HMCN1: variants seen among roughly 807,000 people sequenced by gnomAD.
The protein encoded by HMCN1 is hemicentin-1.
A neutral mutation model predicts 625.9 loss-of-function variants in HMCN1; 321 were observed. The ratio of observed to expected loss-of-function variants is 0.51; its 90% CI spans 0.47 to 0.56. The LOEUF (loss-of-function observed/expected upper bound fraction) is 0.56. Among genes scored for constraint, HMCN1 ranks in the 20% least tolerant of loss-of-function variants. The pLI is 0.00. For missense variants in HMCN1, 6,588 were observed against 6,887.3 expected (o/e 0.96, Z 1.54); for synonymous variants, 2,425 against 2,417.6 (o/e 1.00, Z -0.09).
chr1:186,119,447 G>A (rs1200872343), intron 78 of HMCN1, 149 bp downstream of exon 78: 1 of 729,508 alleles, frequency 1.4e-6, no homozygotes, highest in African/African-American at 1.8e-5. Flanking sequence ...ACTTTTAATA[G>A]GCTAAAAAAG....
intron 1 of HMCN1, among the ~76,000 whole-genome samples, chr1:185,766,958 G>A (rs912466086): frequency 3.3e-5 from 5 of 150,616 alleles, no homozygotes; most frequent in African/African-American, 1.2e-4. Context: ...TAAGGGAATA[G>A]GAAACTAAAA....
At chr1:186,171,187 A>G in intron 100 of HMCN1, 150 bp from the exon 101 acceptor site, 1 of 628,866 alleles carries the variant, frequency 1.6e-6, no homozygotes, top group Non-Finnish European at 2.9e-6. Flanking sequence ...TCTATCAAGT[A>G]TTTGGCAGAT....
At position 185,990,411 on chromosome 1, in the gene HMCN1, A is replaced by C. The variant is rs777526561; in HGVS notation, c.3345A>C (p.Lys1115Asn). The C allele has an allele frequency of 1.9e-6, 3 of 1,614,038 alleles. No homozygotes were observed. Among genetic ancestry groups the C allele is most frequent in the Admixed American group, 1.7e-5 (1 of 60,004 alleles). The change falls in exon 22 of 107, where the codon AAA (lysine) becomes AAC (asparagine). Residue 1115 changes from lysine to asparagine, a missense_variant. Coordinates refer to ENST00000271588, the MANE Select transcript of HMCN1 (RefSeq NM_031935.3). ...CTCCACCCATAATTACTTGGGCCAA[A>C]GAAACCCAGCTCATCTCACCGTTCT... ...SLPPPIITWA[K>N]ETQLISPFSP...
At chr1:186,000,293 A>T in intron 26 of HMCN1, 54 bp downstream of exon 26, 1 of 1,310,922 alleles carries the variant, frequency 7.6e-7, no homozygotes, top group Non-Finnish European at 1.1e-6. Context: ...CAGTTCTTAA[A>T]TGTTTAAATT....
rs564273931 is a variant in HMCN1 at position 186,154,061 on chromosome 1, A to G, written c.15256+74A>G. 22 of 1,134,278 alleles carry G rather than the reference A, an allele frequency of 1.9e-5. No homozygotes were observed. The South Asian group carries it at 2.7e-4, about 14-fold the overall frequency. The allele number at this position is 1,134,278 out of a possible 1,614,324, so 70.3% of individuals were successfully genotyped here. On this transcript the variant is annotated intron_variant, in intron 97 of 106. Transcript: ENST00000271588. ...GGTTAAAAAAATTCAAAATAAGGAC[A>G]TTGAGGCCTACATCTAACATGATAT...
At chr1:185,906,070 A>G (rs1045610424) in intron 4 of HMCN1, among the ~76,000 whole-genome samples, 1 of 151,800 alleles carries the variant, frequency 6.6e-6, no homozygotes, top group African/African-American at 2.4e-5. Context: ...TTTTCTTTAT[A>G]ATAGAAGATC....
chr1:186,062,733 A>G (rs540048721), intron 48 of HMCN1, 133 bp downstream of exon 48: 39 of 696,644 alleles, frequency 5.6e-5, no homozygotes, highest in South Asian at 5.5e-4. Flanking sequence ...TATATTGAGT[A>G]CTGGTGAAGT....
chr1:186,142,961 A>G (rs1025482549), intron 89 of HMCN1, among the ~76,000 whole-genome samples: 5 of 152,186 alleles, frequency 3.3e-5, no homozygotes, highest in Non-Finnish European at 7.3e-5. Context: ...TCATACAGTC[A>G]ATATTTGAGG....
At chr1:185,860,019 C>A (rs750596961) in intron 2 of HMCN1, among the ~76,000 whole-genome samples, 1 of 151,822 alleles carries the variant, frequency 6.6e-6, no homozygotes, top group Non-Finnish European at 1.5e-5. Flanking sequence ...ATTAGAAAAC[C>A]GAACTGAAAT....
chr1:186,013,589 C>T (rs186968909), intron 30 of HMCN1, among the ~76,000 whole-genome samples: 1 of 152,078 alleles, frequency 6.6e-6, no homozygotes, highest in Admixed American at 6.6e-5. Context: ...AGGGACCAGG[C>T]TCCTTGGAGA....
At chr1:186,156,985 A>T (rs546983941) in intron 97 of HMCN1, among the ~76,000 whole-genome samples, 71 of 152,324 alleles carry the variant, frequency 4.7e-4, no homozygotes, top group Admixed American at 3.8e-3. Flanking sequence ...GGGTGATTAT[A>T]AGAAAATCTT....
chr1:185,931,573 A>G (rs1667553276), intron 10 of HMCN1, among the ~76,000 whole-genome samples: 1 of 152,158 alleles, frequency 6.6e-6, no homozygotes, highest in Admixed American at 6.5e-5. Flanking sequence ...AAGAGGAACT[A>G]GAATCTGGGG....
At chr1:185,955,277 AC>A (rs1649540128) in intron 11 of HMCN1, among the ~76,000 whole-genome samples, 1 of 152,130 alleles carries the variant, frequency 6.6e-6, no homozygotes, top group Non-Finnish European at 1.5e-5. Flanking sequence ...TTTTCTAATT[AC>A]CCCAGAATAA....
chr1:186,090,724 C>A, intron 63 of HMCN1, 34 bp from the exon 64 acceptor site: 1 of 1,608,870 alleles, frequency 6.2e-7, no homozygotes, highest in Non-Finnish European at 8.5e-7. Flanking sequence ...TATCCTGTGT[C>A]TTGTTAATGA....
intron 30 of HMCN1, among the ~76,000 whole-genome samples, chr1:186,011,880 C>T (rs1654024054): frequency 6.6e-6 from 1 of 152,152 alleles, no homozygotes; most frequent in African/African-American, 2.4e-5. Context: ...TTTCCAAAAG[C>T]ATTCAGTATT....
intron 68 of HMCN1, among the ~76,000 whole-genome samples, chr1:186,095,969 G>A (rs543550085): frequency 4.5e-4 from 68 of 152,094 alleles, no homozygotes; most frequent in Non-Finnish European, 8.2e-4. Context: ...TGCATTTAAA[G>A]TAAATACTTA....
intron 69 of HMCN1, 82 bp downstream of exon 69, chr1:186,103,750 C>T: frequency 8.6e-7 from 1 of 1,163,314 alleles, no homozygotes; most frequent in East Asian, 2.4e-5. Flanking sequence ...TAAATTATGT[C>T]TTTGAATCCT....
chr1:185,772,998 G>T (rs192386247), intron 1 of HMCN1, among the ~76,000 whole-genome samples: 50 of 152,196 alleles, frequency 3.3e-4, no homozygotes, highest in African/African-American at 9.4e-4. Flanking sequence ...CTCCCCAAAA[G>T]CCCCACCTCC....
At chr1:186,010,975 A>G (rs1480917355) in intron 30 of HMCN1, among the ~76,000 whole-genome samples, 1 of 152,138 alleles carries the variant, frequency 6.6e-6, no homozygotes, top group Non-Finnish European at 1.5e-5. Context: ...TTGTGGGGAA[A>G]CATTTGAAGT....
Sources: gnomAD v4.1 joint callset for allele counts (sites outside exome capture counted in the v4.1 genomes callset) on GRCh38, gnomAD v4.1.1 for gene constraint, MANE v1.5 for transcripts, NCBI Gene and HGNC (gene_info 2026-07-23, HGNC 2026-07-21) for gene names.